The following ROCK2 variants were observed in gnomAD, a reference collection of about 807,000 sequenced individuals.
ROCK2 encodes the protein rho-associated protein kinase 2.
Under a neutral mutation model 195.1 loss-of-function variants are expected in ROCK2, and 61 were observed. The ratio of observed to expected loss-of-function variants is 0.31; its 90% CI spans 0.25 to 0.39. ROCK2 has a LOEUF of 0.39. Ranked by LOEUF, ROCK2 falls within the 10% of genes least tolerant of loss-of-function variation. The pLI is 1.00. For synonymous variants in ROCK2, 504 were observed against 545.5 expected (o/e 0.92, Z 1.06); for missense variants, 1,109 against 1,637.4 (o/e 0.68, Z 5.57).
chr2:11,332,435 A>G (rs1668797971), intron 1 of ROCK2, among the ~76,000 whole-genome samples: 1 of 152,206 alleles, frequency 6.6e-6, no homozygotes, highest in African/African-American at 2.4e-5. Context: ...CATAAAAACA[A>G]AAACAACTTA....
At chr2:11,271,449 C>T (rs559474427) in intron 3 of ROCK2, among the ~76,000 whole-genome samples, 62 of 152,310 alleles carry the variant, frequency 4.1e-4, no homozygotes, top group African/African-American at 1.4e-3. Context: ...GCAATTTCTG[C>T]TTATGAATCC....
At chr2:11,208,794 T>C (rs1366072599) in intron 18 of ROCK2, among the ~76,000 whole-genome samples, 2 of 152,056 alleles carry the variant, frequency 1.3e-5, no homozygotes, top group East Asian at 1.9e-4. Flanking sequence ...GGTTTTGCCA[T>C]GTTGGCCAGG....
At chr2:11,313,485 T>C (rs1668100293) in intron 1 of ROCK2, among the ~76,000 whole-genome samples, 1 of 152,080 alleles carries the variant, frequency 6.6e-6, no homozygotes, top group African/African-American at 2.4e-5. Context: ...ATTTTTGTCG[T>C]TTGCATTTCT....
chr2:11,317,610 A>AT (rs1300312547), intron 1 of ROCK2, among the ~76,000 whole-genome samples: 23 of 16,796 alleles, frequency 1.4e-3, no homozygotes, highest in African/African-American at 4.0e-3. Flanking sequence ...ATATATATAT[A>AT]TATTTTTTTT....
intron 3 of ROCK2, among the ~76,000 whole-genome samples, chr2:11,253,352 T>C (rs1665906529): frequency 6.6e-6 from 1 of 152,174 alleles, no homozygotes; most frequent in Non-Finnish European, 1.5e-5. Flanking sequence ...TCTTTATGGG[T>C]ACTGGAAAGG....
At chr2:11,307,993 A>G in intron 1 of ROCK2, 1 of 1,447,770 alleles carries the variant, frequency 6.9e-7, no homozygotes, top group Non-Finnish European at 9.1e-7. Flanking sequence ...TTGCTGGGGT[A>G]GGGGCAGGAG....
intron 1 of ROCK2, among the ~76,000 whole-genome samples, chr2:11,329,638 A>C (rs2167125): frequency 6.6e-6 from 1 of 151,750 alleles, no homozygotes; most frequent in Non-Finnish European, 1.5e-5. Context: ...ATGTCTTAAA[A>C]ATGGAAAACA....
intron 1 of ROCK2, among the ~76,000 whole-genome samples, chr2:11,337,093 T>C (rs1369631063): frequency 6.6e-6 from 1 of 151,658 alleles, no homozygotes; most frequent in Non-Finnish European, 1.5e-5. Flanking sequence ...AAAAATACAA[T>C]AATTAGCCGG....
intron 1 of ROCK2, among the ~76,000 whole-genome samples, chr2:11,305,468 C>G (rs1667830891): frequency 6.6e-6 from 1 of 150,560 alleles, no homozygotes; most frequent in Admixed American, 6.6e-5. Flanking sequence ...CACACACACA[C>G]ACACACACAC....
intron 3 of ROCK2, among the ~76,000 whole-genome samples, chr2:11,252,222 C>A (rs2148131024): frequency 6.6e-6 from 1 of 152,008 alleles, no homozygotes; most frequent in African/African-American, 2.4e-5. Flanking sequence ...ACCAGCCTGG[C>A]CAACATGGTG....
intron 3 of ROCK2, among the ~76,000 whole-genome samples, chr2:11,282,861 T>G (rs965781926): frequency 3.3e-5 from 5 of 151,824 alleles, no homozygotes; most frequent in Non-Finnish European, 7.4e-5. Flanking sequence ...CTGACAAAGG[T>G]CTATTATCCA....
At chr2:11,214,256 G>A (rs1006217352) in intron 17 of ROCK2, 101 bp downstream of exon 17, 3 of 650,350 alleles carry the variant, frequency 4.6e-6, no homozygotes, top group African/African-American at 1.8e-5. Context: ...ATGAGCATGT[G>A]GAAATATTCC....
intron 6 of ROCK2, among the ~76,000 whole-genome samples, chr2:11,226,492 G>A (rs1664815317): frequency 6.6e-6 from 1 of 152,012 alleles, no homozygotes; most frequent in Admixed American, 6.6e-5. Context: ...TAAATGGAAG[G>A]AATACAGTTG....
chr2:11,300,140 A>G (rs945154556), intron 1 of ROCK2, among the ~76,000 whole-genome samples: 18 of 152,340 alleles, frequency 1.2e-4, no homozygotes, highest in African/African-American at 4.3e-4. Context: ...TCTAAAGGCT[A>G]ATTACCAACT....
At position 11,197,389 on chromosome 2, in the gene ROCK2, A is replaced by T; in HGVS notation, c.3280-41T>A. 6.3e-7 allele frequency: 1 copy of T among 1,579,290 alleles called. No individual in the cohort carries two copies. Among genetic ancestry groups the T allele is most frequent in the Non-Finnish European group, 8.7e-7 (1 of 1,155,700 alleles). On this transcript the variant is annotated intron_variant, in intron 26 of 32. Coordinates refer to ENST00000315872, the MANE Select transcript of ROCK2 (RefSeq NM_004850.5). The surrounding 1 kb of genome is among the most constrained non-coding windows in gnomAD (Gnocchi z 4.9). ...TTACAATAAGTTAATTGGATGCAACATAACTCAACATTTTGCTTCTTGGTT... is the reference window on the plus strand; with the variant it reads ...TTACAATAAGTTAATTGGATGCAACTTAACTCAACATTTTGCTTCTTGGTT...
Position 11,235,632 on chromosome 2 carries a change from C to A in ROCK2, c.723+70G>T, listed in dbSNP as rs543799913. 1 of 1,478,394 alleles carries A rather than the reference C, an allele frequency of 6.8e-7. No individual in the cohort carries two copies. The highest frequency in any genetic ancestry group is 9.1e-7 in the Non-Finnish European group (1 of 1,093,960). 91.6% of individuals were successfully genotyped at this position (1,478,394 alleles called of 1,614,324 possible). Reference sequence around the variant, plus strand: ...TTACCTTTGTTCAAAACTATGAAGACCTGACTTAAAGTATTTCATTTATTT... The same window carrying A: ...TTACCTTTGTTCAAAACTATGAAGAACTGACTTAAAGTATTTCATTTATTT... On this transcript the variant is annotated intron_variant, in intron 5 of 32. Coordinates refer to ENST00000315872, the MANE Select transcript of ROCK2 (RefSeq NM_004850.5). The surrounding 1 kb of genome is among the most constrained non-coding windows in gnomAD (Gnocchi z 4.2).
At chr2:11,185,124 T>C (rs1663144067) in intron 32 of ROCK2, among the ~76,000 whole-genome samples, 1 of 152,222 alleles carries the variant, frequency 6.6e-6, no homozygotes, top group African/African-American at 2.4e-5. Context: ...TTTGTCAATG[T>C]TCCCCTTCAC....
At chr2:11,220,619 A>G (rs1164483389) in intron 9 of ROCK2, among the ~76,000 whole-genome samples, 1 of 152,222 alleles carries the variant, frequency 6.6e-6, no homozygotes, top group Non-Finnish European at 1.5e-5. Context: ...TCTATGTTTG[A>G]GTGCTACTGG....
intron 3 of ROCK2, among the ~76,000 whole-genome samples, chr2:11,275,831 C>T (rs1666806559): frequency 6.6e-6 from 1 of 151,886 alleles, no homozygotes; most frequent in Non-Finnish European, 1.5e-5. Context: ...TCCCTAGCAG[C>T]TGGGATTACA....
Sources: gnomAD v4.1 joint callset for allele counts (sites outside exome capture counted in the v4.1 genomes callset) on GRCh38, gnomAD v4.1.1 for gene constraint, Gnocchi (gnomAD v3.1) non-coding constraint, MANE v1.5 for transcripts, NCBI Gene and HGNC (gene_info 2026-07-23, HGNC 2026-07-21) for gene names.